The following CORIN variants were observed in gnomAD, a reference collection of about 807,000 sequenced individuals.
The protein encoded by CORIN is atrial natriuretic peptide-converting enzyme.
A neutral mutation model predicts 125.3 loss-of-function variants in CORIN; 117 were observed. The observed-to-expected ratio is 0.93, with a 90% confidence interval of 0.80 to 1.09. The LOEUF (loss-of-function observed/expected upper bound fraction) is 1.09, where lower values mean the gene tolerates loss of function less well. CORIN is among the 50% of genes least tolerant of loss of function. CORIN has a pLI of 0.00. For missense variants in CORIN, 1,253 were observed against 1,306.7 expected (o/e 0.96, Z 0.63); for synonymous variants, 450 against 466.4 (o/e 0.96, Z 0.45).
chr4:47,765,986 A>G (rs1197620068), intron 3 of CORIN, among the ~76,000 whole-genome samples: 1 of 152,228 alleles, frequency 6.6e-6, no homozygotes, highest in East Asian at 1.9e-4. Context: ...ATCATTTAAC[A>G]GATGAATATA....
intron 12 of CORIN, among the ~76,000 whole-genome samples, chr4:47,658,498 G>T (rs1005784435): frequency 2.0e-5 from 3 of 152,264 alleles, no homozygotes; most frequent in African/African-American, 7.2e-5. Flanking sequence ...GACCCATTGG[G>T]GACTCTGTGT....
intron 4 of CORIN, among the ~76,000 whole-genome samples, chr4:47,747,605 G>A (rs1262459418): frequency 6.6e-6 from 1 of 152,114 alleles, no homozygotes; most frequent in Non-Finnish European, 1.5e-5. Context: ...CAGGAGGCCA[G>A]CAGACTGTTT....
intron 1 of CORIN, among the ~76,000 whole-genome samples, chr4:47,814,417 T>C (rs1282480994): frequency 6.6e-6 from 1 of 152,192 alleles, no homozygotes; most frequent in African/African-American, 2.4e-5. Context: ...CCATCTCCAC[T>C]CTGTCCGTAG....
intron 5 of CORIN, among the ~76,000 whole-genome samples, chr4:47,724,798 A>G (rs947376629): frequency 1.3e-5 from 2 of 152,240 alleles, no homozygotes; most frequent in Non-Finnish European, 2.9e-5. Flanking sequence ...GATTTAGTTT[A>G]TGGGATTACC....
rs777010725 is a variant in CORIN, at chr4:47,763,380, T to C, written c.616A>G (p.Ser206Gly). The change falls in exon 4 of 22, where the codon AGT (serine) becomes GGT (glycine). Residue 206 changes from serine (S) to glycine (G), a missense_variant and splice_region_variant. By Grantham distance (56) the Ser-to-Gly change is moderately conservative (BLOSUM62 0). Transcript: ENST00000273857. ...FPECIIDGDDSHGLLPCRSFC... is the reference protein window; with the variant it reads ...FPECIIDGDDGHGLLPCRSFC... ...TGAATAATCTGGGTTCCGAAATACC[T>C]GTCATCGCCATCAATGATGCACTCA... is the stretch of plus-strand genomic sequence containing the variant. 1.3e-5 allele frequency: 21 copies of C among 1,612,124 alleles called. No homozygotes were observed. In the African/African-American group the frequency reaches 2.0e-4, roughly 15 times the overall value.
intron 2 of CORIN, among the ~76,000 whole-genome samples, chr4:47,793,997 G>A (rs557342067): frequency 7.2e-5 from 11 of 152,132 alleles, no homozygotes; most frequent in African/African-American, 2.2e-4. Flanking sequence ...ATATAACCTC[G>A]GGCCTCAGTA....
intron 2 of CORIN, among the ~76,000 whole-genome samples, chr4:47,798,044 T>G (rs1489251041): frequency 6.6e-6 from 1 of 152,186 alleles, no homozygotes; most frequent in Non-Finnish European, 1.5e-5. Flanking sequence ...GTCCTTGTTT[T>G]AGAGTCCAAA....
intron 12 of CORIN, among the ~76,000 whole-genome samples, chr4:47,656,246 C>G (rs901728146): frequency 6.6e-6 from 1 of 150,876 alleles, no homozygotes; most frequent in African/African-American, 2.4e-5. Flanking sequence ...GCCTCCACTT[C>G]CCAGGTTCGA....
intron 2 of CORIN, among the ~76,000 whole-genome samples, chr4:47,797,398 A>G (rs899512632): frequency 6.6e-6 from 1 of 151,920 alleles, no homozygotes; most frequent in African/African-American, 2.4e-5. Context: ...TATAAGAAAG[A>G]AATTAGTCTC....
intron 21 of CORIN, among the ~76,000 whole-genome samples, chr4:47,599,988 A>T (rs927978914): frequency 3.3e-5 from 5 of 152,200 alleles, no homozygotes; most frequent in South Asian, 2.1e-4. Flanking sequence ...TGTTCCCCAT[A>T]TAGTAGATGA....
At chr4:47,737,675 T>C (rs918928431) in intron 5 of CORIN, among the ~76,000 whole-genome samples, 9 of 152,224 alleles carry the variant, frequency 5.9e-5, no homozygotes, top group African/African-American at 1.9e-4. Flanking sequence ...ATAAATACTC[T>C]GTACACCAAA....
At chr4:47,649,333 G>A (rs1345433015) in intron 13 of CORIN, among the ~76,000 whole-genome samples, 1 of 152,200 alleles carries the variant, frequency 6.6e-6, no homozygotes, top group African/African-American at 2.4e-5. Context: ...TACTATGTGA[G>A]CCAGAGACCT....
At chr4:47,677,193 T>C (rs1725061420) in intron 9 of CORIN, among the ~76,000 whole-genome samples, 2 of 152,188 alleles carry the variant, frequency 1.3e-5, no homozygotes, top group Admixed American at 1.3e-4. Flanking sequence ...ATTCTGAGTG[T>C]ACAGACACGC....
chr4:47,786,383 A>G (rs1023933174), intron 3 of CORIN, among the ~76,000 whole-genome samples: 1 of 151,538 alleles, frequency 6.6e-6, no homozygotes, highest in Admixed American at 6.6e-5. Context: ...AAAACTACAG[A>G]AAAAAAAATT....
At chr4:47,741,628 A>G (rs563086167) in intron 5 of CORIN, among the ~76,000 whole-genome samples, 2 of 152,234 alleles carry the variant, frequency 1.3e-5, no homozygotes, top group Admixed American at 6.5e-5. Context: ...AGCATTATTC[A>G]TAACAGTCCA....
In CORIN at chr4:47,600,350, G is replaced by A. The variant is rs529742785; in HGVS notation, c.2813-3C>T. On this transcript the variant is annotated splice_region_variant and splice_polypyrimidine_tract_variant and intron_variant, in intron 20 of 21. Coordinates refer to ENST00000273857, the MANE Select transcript of CORIN (RefSeq NM_006587.4). ...TCCCTCTTGCAGCTTAAATGGCACT[G>A]AATTTTTAAAAAATAAGAATATATA... 5 of 1,608,030 alleles carry A rather than the reference G, an allele frequency of 3.1e-6. No individual in the cohort carries two copies. In the African/African-American group the frequency reaches 6.7e-5, roughly 21 times the overall value.
At chr4:47,770,460 T>A (rs1729973408) in intron 3 of CORIN, among the ~76,000 whole-genome samples, 1 of 152,190 alleles carries the variant, frequency 6.6e-6, no homozygotes, top group Non-Finnish European at 1.5e-5. Context: ...TGGAAGACAG[T>A]ATGGACATTC....
At chr4:47,779,410 T>C (rs1387286257) in intron 3 of CORIN, among the ~76,000 whole-genome samples, 2 of 151,992 alleles carry the variant, frequency 1.3e-5, no homozygotes, top group African/African-American at 2.4e-5. Flanking sequence ...GCTCTGATCC[T>C]CTTAGCTGCA....
At position 47,728,955 on chromosome 4, in the gene CORIN, C is replaced by A. The variant is rs1267909033; in HGVS notation, c.799+15447G>T. ...ATTTCTGTTTTAGGAACCACTGTGC[C>A]ACTTCAAGCAAAGCAATATTTGGCA... is the stretch of plus-strand genomic sequence containing the variant. On this transcript the variant is annotated intron_variant, in intron 5 of 21. Coordinates refer to ENST00000273857, the MANE Select transcript of CORIN (RefSeq NM_006587.4). 6.6e-5 allele frequency among the ~76,000 whole-genome samples: 10 copies of A among 152,104 alleles called. No individual in the cohort carries two copies. In the East Asian group the frequency reaches 1.9e-3, roughly 29 times the overall value.
Sources: allele counts gnomAD v4.1 joint callset (sites outside exome capture counted in the v4.1 genomes callset), GRCh38; gene constraint gnomAD v4.1.1; transcripts MANE v1.5; gene names NCBI Gene and HGNC (gene_info 2026-07-23, HGNC 2026-07-21).